DTHD1: variants seen among roughly 807,000 people sequenced by gnomAD.
The protein encoded by DTHD1 is death domain-containing protein 1.
DTHD1 carries 59 observed loss-of-function variants against 74.8 expected under a neutral mutation model. The observed-to-expected ratio is 0.79, with a 90% CI of 0.64 to 0.98. The LOEUF (loss-of-function observed/expected upper bound fraction) is 0.98. Among genes scored for constraint, DTHD1 ranks in the 50% least tolerant of loss-of-function variants. DTHD1 has a pLI of 0.00. For synonymous variants in DTHD1, 365 were observed against 371.1 expected (o/e 0.98, Z 0.19); for missense variants, 1,051 against 1,065.4 (o/e 0.99, Z 0.19).
intron 2 of DTHD1, 134 bp downstream of exon 2, chr4:36,284,725 A>G (rs1441679411): frequency 2.6e-6 from 2 of 754,850 alleles, no homozygotes; most frequent in Admixed American, 3.4e-5. Flanking sequence ...AACAACAGAT[A>G]TTTATCTCTC....
At chr4:36,337,703 T>C (rs574049222) in intron 8 of DTHD1, among the ~76,000 whole-genome samples, 1 of 152,350 alleles carries the variant, frequency 6.6e-6, no homozygotes, top group African/African-American at 2.4e-5. Context: ...TTTTATATGC[T>C]TCCATGTTTA....
chr4:36,300,656 T>TAA (rs1756710578), intron 5 of DTHD1, among the ~76,000 whole-genome samples: 4 of 62,566 alleles, frequency 6.4e-5, no homozygotes, highest in Non-Finnish European at 1.4e-4. Flanking sequence ...ATTTGTTATT[T>TAA]ATAATTCTGG....
intron 2 of DTHD1, 138 bp downstream of exon 2, chr4:36,284,729 A>C: frequency 4.0e-6 from 3 of 746,524 alleles, no homozygotes; most frequent in South Asian, 2.2e-5. Context: ...ACAGATATTT[A>C]TCTCTCACAG....
At chr4:36,323,315 G>A (rs76358010) in intron 8 of DTHD1, among the ~76,000 whole-genome samples, 2 of 152,116 alleles carry the variant, frequency 1.3e-5, no homozygotes, top group Non-Finnish European at 2.9e-5. Flanking sequence ...GAATCAGTTC[G>A]TCAGAATCGC....
chr4:36,329,838 C>A (rs866874303), intron 8 of DTHD1, among the ~76,000 whole-genome samples: 3 of 152,148 alleles, frequency 2.0e-5, no homozygotes, highest in African/African-American at 4.8e-5. Context: ...CAGAGAATAG[C>A]TCTTGGGTTC....
chr4:36,300,569 G>C (rs1756702125), intron 5 of DTHD1, among the ~76,000 whole-genome samples: 1 of 150,522 alleles, frequency 6.6e-6, no homozygotes. Context: ...TCTTTTAAAA[G>C]TATGCAAGCC....
intron 5 of DTHD1, among the ~76,000 whole-genome samples, chr4:36,305,626 T>G (rs558026699): frequency 2.6e-5 from 4 of 152,212 alleles, no homozygotes; most frequent in African/African-American, 9.6e-5. Flanking sequence ...ATATGATAGG[T>G]AAGAAAACAG....
chr4:36,304,006 G>A (rs964775569), intron 5 of DTHD1, among the ~76,000 whole-genome samples: 1 of 152,176 alleles, frequency 6.6e-6, no homozygotes, highest in Non-Finnish European at 1.5e-5. Flanking sequence ...CAGAGGCCAG[G>A]AAGTGTAACC....
chr4:36,308,442 C>A lies in DTHD1; in HGVS notation c.2044C>A (p.Arg682=), dbSNP rs750691784. The change falls in exon 7 of 10, where the codon CGA becomes AGA. Residue 682 remains arginine, a synonymous_variant. Transcript: ENST00000639862. ...PPEPSRHFQV[R]EGEQLLLRFT... is the part of the protein sequence containing the mutation. ...AGAGCCATCTCGTCATTTCCAAGTT[C>A]GAGAAGGAGAACAACTTCTTTTAAG... 3 of 1,551,700 alleles carry A rather than the reference C, an allele frequency of 1.9e-6. No homozygotes were observed. The highest frequency in any genetic ancestry group is 2.6e-6 in the Non-Finnish European group (3 of 1,146,972).
At chr4:36,341,206 C>T (rs1045182051) in intron 9 of DTHD1, among the ~76,000 whole-genome samples, 3 of 151,970 alleles carry the variant, frequency 2.0e-5, no homozygotes, top group Admixed American at 2.0e-4. Flanking sequence ...GAAAGAAATA[C>T]CACAATAGCT....
At chr4:36,341,600 T>A (rs1019935720) in intron 9 of DTHD1, among the ~76,000 whole-genome samples, 2 of 152,140 alleles carry the variant, frequency 1.3e-5, no homozygotes, top group Non-Finnish European at 2.9e-5. Flanking sequence ...AGGACTCAAA[T>A]GGTATAAAAT....
At chr4:36,328,817 A>G (rs1301043779) in intron 8 of DTHD1, among the ~76,000 whole-genome samples, 1 of 151,980 alleles carries the variant, frequency 6.6e-6, no homozygotes, top group Non-Finnish European at 1.5e-5. Flanking sequence ...CCTATTCCCT[A>G]TTTTCCTACT....
chr4:36,286,825 A>T (rs2109443703), intron 2 of DTHD1, among the ~76,000 whole-genome samples: 1 of 152,376 alleles, frequency 6.6e-6, no homozygotes, highest in Non-Finnish European at 1.5e-5. Context: ...TTGTGTATTT[A>T]AACATATCTA....
At chr4:36,296,240 T>C (rs1477973213) in intron 5 of DTHD1, among the ~76,000 whole-genome samples, 2 of 152,310 alleles carry the variant, frequency 1.3e-5, no homozygotes, top group East Asian at 1.9e-4. Context: ...GTTTTCATCC[T>C]ACAAACAAGT....
rs1350010150 is a variant in DTHD1, at chr4:36,347,397, A to T, written c.*3573A>T. Among the ~76,000 whole-genome samples, 1 of 152,146 alleles carries T rather than the reference A, an allele frequency of 6.6e-6. No homozygotes were observed. The highest frequency in any genetic ancestry group is 1.5e-5 in the Non-Finnish European group (1 of 68,012). ...ATTATATGCATATATTAAAATTTTC[A>T]TATCAATTAGACTGTAGTCCCAATA... On this transcript the variant is annotated 3_prime_UTR_variant, in exon 10 of 10. Transcript: ENST00000639862.
At chr4:36,329,457 A>G (rs1005808346) in intron 8 of DTHD1, among the ~76,000 whole-genome samples, 1 of 152,250 alleles carries the variant, frequency 6.6e-6, no homozygotes. Flanking sequence ...TTCCTTGAGC[A>G]GGACAGCTCC....
intron 2 of DTHD1, among the ~76,000 whole-genome samples, chr4:36,289,392 A>G (rs1755919559): frequency 6.6e-6 from 1 of 152,186 alleles, no homozygotes; most frequent in South Asian, 2.1e-4. Context: ...TAAAGTAACC[A>G]GCACTTTTGA....
Position 36,343,821 on chromosome 4 carries a change from G to C in DTHD1, c.2718G>C (p.Glu906Asp), listed in dbSNP as rs752781889. 4 of 1,542,088 alleles carry C rather than the reference G, an allele frequency of 2.6e-6. No homozygotes were observed. Among genetic ancestry groups the C allele is most frequent in the Non-Finnish European group, 3.5e-6 (4 of 1,141,386 alleles). The part of the protein sequence containing the change: ...EPQQCFDVAP[E>D] ...AGCAGTGTTTTGATGTAGCCCCTGA[G>C]TAAAAGCCTGATCTCTCTTCCTTTA... The change falls in exon 10 of 10, where the codon GAG (glutamate) becomes GAC (aspartate). Residue 906 changes from glutamate (E) to aspartate (D), a missense_variant. Glu to Asp is a conservative substitution (Grantham distance 45, BLOSUM62 2). Coordinates refer to ENST00000639862, the MANE Select transcript of DTHD1 (RefSeq NM_001170700.3).
intron 8 of DTHD1, among the ~76,000 whole-genome samples, chr4:36,337,359 T>A (rs548143363): frequency 2.6e-5 from 4 of 152,208 alleles, no homozygotes; most frequent in East Asian, 1.9e-4. Context: ...TTCATGTGCA[T>A]GAAAAAAAAT....
Sources: allele counts gnomAD v4.1 joint callset (sites outside exome capture counted in the v4.1 genomes callset), GRCh38; gene constraint gnomAD v4.1.1; transcripts MANE v1.5; gene names NCBI Gene and HGNC (gene_info 2026-07-23, HGNC 2026-07-21).